AHDC1: variants seen among roughly 807,000 people sequenced by gnomAD.
AHDC1 encodes AT-hook DNA binding motif containing 1.
In AHDC1, 7 loss-of-function variants were observed where a neutral mutation model predicts 87.9. That is an observed-to-expected ratio of 0.08 (90% confidence interval 0.05 to 0.15). The LOEUF is 0.15. Ranked by LOEUF, AHDC1 falls within the 10% of genes least tolerant of loss-of-function variation. The pLI is 1.00. For missense variants in AHDC1, 1,841 were observed against 2,253.2 expected (o/e 0.82, Z 3.70); for synonymous variants, 1,051 against 1,006.8 (o/e 1.04, Z -0.83).
chr1:27,603,072 C>A (rs943792099), intron 3 of AHDC1, among the ~76,000 whole-genome samples: 1 of 145,122 alleles, frequency 6.9e-6, no homozygotes, highest in African/African-American at 2.6e-5. Flanking sequence ...GAGGAGGGGG[C>A]GCGCGGCAGC....
intron 5 of AHDC1, among the ~76,000 whole-genome samples, chr1:27,557,422 C>T (rs551076280): frequency 5.3e-5 from 8 of 152,134 alleles, no homozygotes; most frequent in Admixed American, 1.3e-4. Flanking sequence ...TCCACGCCCC[C>T]CCGCTCCCCG....
At chr1:27,601,907 G>A (rs542877076) in intron 3 of AHDC1, among the ~76,000 whole-genome samples, 15 of 152,300 alleles carry the variant, frequency 9.8e-5, no homozygotes, top group East Asian at 1.9e-4. Context: ...ACCCTGACCC[G>A]GAGGCAAAGC....
chr1:27,579,803 T>G (rs972196627), intron 3 of AHDC1, among the ~76,000 whole-genome samples: 2 of 152,258 alleles, frequency 1.3e-5, no homozygotes, highest in Non-Finnish European at 2.9e-5. Flanking sequence ...AGAGACTGAA[T>G]GCTTACAAAG....
rs373682300 is a variant in AHDC1 at position 27,560,963 on chromosome 1, C to CCT, written c.-628-2082_-628-2081dup. Among the ~76,000 whole-genome samples the CCT allele has an allele frequency of 1.0e-4, 15 of 150,204 alleles. No individual in the cohort carries two copies. The highest frequency in any genetic ancestry group is 3.3e-4 in the Admixed American group (5 of 15,106). On this transcript the variant is annotated intron_variant, in intron 3 of 8. Transcript: ENST00000673934. The surrounding 1 kb of genome is among the most constrained non-coding windows in gnomAD (Gnocchi z 4.1). ...CCTCTTCCCTCCCTCTCCCTCCCTT[C>CCT]CTCTCTCTCTCTCTCTGTAGGAGCC...
chr1:27,575,554 C>T (rs1170968585), intron 3 of AHDC1, among the ~76,000 whole-genome samples: 3 of 151,980 alleles, frequency 2.0e-5, no homozygotes, highest in African/African-American at 4.8e-5. Context: ...CTCCCCCGGC[C>T]GGCCGCGCTC....
At position 27,551,035 on chromosome 1, in the gene AHDC1, C is replaced by T. The variant is rs780172155; in HGVS notation, c.1081G>A (p.Glu361Lys). 2.0e-5 allele frequency: 31 copies of T among 1,557,638 alleles called. No homozygotes were observed. Among genetic ancestry groups the T allele is most frequent in the East Asian group, 2.3e-5 (1 of 43,804 alleles). Residue 361 changes from glutamate (E) to lysine (K), a missense_variant, in exon 8 of 9, where the codon GAG (glutamate) becomes AAG (lysine). Transcript: ENST00000673934. ...GAGCACAAGTCCAGGCGCAAGGGCT[C>T]GGCCAGTGGGCAGTGCCCCAGGGGC... Reference protein sequence around the residue: ...QQPLGHCPLAEPLRLDLCSPH... With the variant: ...QQPLGHCPLAKPLRLDLCSPH...
intron 3 of AHDC1, among the ~76,000 whole-genome samples, chr1:27,602,313 A>G (rs1400027493): frequency 6.6e-6 from 1 of 151,878 alleles, no homozygotes; most frequent in Non-Finnish European, 1.5e-5. Context: ...CCTCAGGGAC[A>G]GCCCCAGCTC....
chr1:27,603,216 C>T (rs2089591143), intron 3 of AHDC1, among the ~76,000 whole-genome samples, 181 bp downstream of exon 3: 3 of 147,086 alleles, frequency 2.0e-5, no homozygotes, highest in African/African-American at 7.4e-5. Flanking sequence ...AGGCTTCGAG[C>T]CGAGCCCAGC....
At position 27,549,673 on chromosome 1, in the gene AHDC1, T is replaced by C; in HGVS notation, c.2443A>G (p.Ser815Gly). 1 of 1,613,078 alleles carries C rather than the reference T, an allele frequency of 6.2e-7. No individual in the cohort carries two copies. Among genetic ancestry groups the C allele is most frequent in the Non-Finnish European group, 8.5e-7 (1 of 1,180,004 alleles). Residue 815 changes from serine (S) to glycine (G), a missense_variant, in exon 8 of 9, where the codon AGC becomes GGC. Physicochemically the swap from Ser to Gly is moderately conservative, Grantham distance 56. This residue lies in a region of AHDC1 where 236 missense variants were observed against 257.9 expected (regional missense o/e 0.92). Transcript: ENST00000673934. Reference sequence around the variant, plus strand: ...GAGGGTGCACCCGTGCTGTAGTAGCTGCCACGGCCTGAGGCTCCACTCTCC... The same window carrying C: ...GAGGGTGCACCCGTGCTGTAGTAGCCGCCACGGCCTGAGGCTCCACTCTCC... ...GLESGASGRG[S>G]YYSTGAPSGQ...
At chr1:27,600,818 T>C (rs1378951202) in intron 3 of AHDC1, among the ~76,000 whole-genome samples, 4 of 152,006 alleles carry the variant, frequency 2.6e-5, no homozygotes, top group Non-Finnish European at 4.4e-5. Context: ...CAGCAGGGGG[T>C]TCCAGAAGCC....
At chr1:27,585,731 A>G (rs1427552729) in intron 3 of AHDC1, among the ~76,000 whole-genome samples, 1 of 152,100 alleles carries the variant, frequency 6.6e-6, no homozygotes, top group Non-Finnish European at 1.5e-5. Context: ...TCCCGGCCTA[A>G]TCAGTCTTCT....
chr1:27,578,829 T>G (rs2088829973), intron 3 of AHDC1, among the ~76,000 whole-genome samples: 1 of 151,774 alleles, frequency 6.6e-6, no homozygotes, highest in Non-Finnish European at 1.5e-5. Flanking sequence ...CCCGAGTAGC[T>G]GGGATTATAG....
rs559597076 is a variant in AHDC1, at chr1:27,548,424, G to T, written c.3692C>A (p.Pro1231Gln). 1 of 1,612,198 alleles carries T rather than the reference G, an allele frequency of 6.2e-7. No homozygotes were observed. The highest frequency in any genetic ancestry group is 1.1e-5 in the South Asian group (1 of 91,066). Reference sequence around the variant, plus strand: ...CACCTTCTTCCGCCGTCCACGGCCCGGCTTGGAGCTACTCTGAAAGAGGAC... The same window carrying T: ...CACCTTCTTCCGCCGTCCACGGCCCTGCTTGGAGCTACTCTGAAAGAGGAC... The part of the protein sequence containing the change: ...QSVLFQSSSK[P>Q]GRGRRKKVDL... Residue 1231 changes from proline (P) to glutamine (Q), a missense_variant, in exon 8 of 9, where the codon CCG becomes CAG. Coordinates refer to ENST00000673934, the MANE Select transcript of AHDC1 (RefSeq NM_001371928.1).
intron 3 of AHDC1, among the ~76,000 whole-genome samples, chr1:27,570,229 G>A (rs990611437): frequency 5.9e-5 from 9 of 151,884 alleles, no homozygotes; most frequent in Non-Finnish European, 1.0e-4. Flanking sequence ...AGATACCTCC[G>A]CCCAAGCAGC....
intron 3 of AHDC1, among the ~76,000 whole-genome samples, chr1:27,594,219 C>G (rs2089303573): frequency 6.6e-6 from 1 of 152,108 alleles, no homozygotes; most frequent in Non-Finnish European, 1.5e-5. Context: ...CCAGGGAGAC[C>G]AAGCCCCGCA....
chr1:27,592,362 A>G (rs2089249281), intron 3 of AHDC1, among the ~76,000 whole-genome samples: 1 of 151,426 alleles, frequency 6.6e-6, no homozygotes, highest in African/African-American at 2.4e-5. Flanking sequence ...CACCCAGCCC[A>G]TCACCTGCAC....
chr1:27,553,637 T>C (rs2019674562), intron 5 of AHDC1: 1 of 152,218 alleles, frequency 6.6e-6, no homozygotes, highest in Non-Finnish European at 1.5e-5. Flanking sequence ...AATATGATTA[T>C]CCTCCCCAGT....
chr1:27,561,789 CAG>C lies in AHDC1; in HGVS notation c.-628-2908_-628-2907del, dbSNP rs899331656. Among the ~76,000 whole-genome samples the C allele has an allele frequency of 6.6e-6, 1 of 151,816 alleles. No individual in the cohort carries two copies. The highest frequency in any genetic ancestry group is 2.4e-5 in the African/African-American group (1 of 41,288). On this transcript the variant is annotated intron_variant, in intron 3 of 8. Coordinates refer to ENST00000673934, the MANE Select transcript of AHDC1 (RefSeq NM_001371928.1). The surrounding 1 kb of genome is among the most constrained non-coding windows in gnomAD (Gnocchi z 4.2). Reference sequence around the variant, plus strand: ...AGACACAGAGACATGGGGAGAGAAACAGAGACAGAGAGACAGAGAAAGACAGA... The same window carrying C: ...AGACACAGAGACATGGGGAGAGAAACAGACAGAGAGACAGAGAAAGACAGA...
intron 3 of AHDC1, among the ~76,000 whole-genome samples, chr1:27,575,958 T>TCTGCCC (rs569112823): frequency 2.0e-5 from 3 of 151,848 alleles, no homozygotes; most frequent in South Asian, 4.2e-4. Context: ...GGGCTCGGGC[T>TCTGCCC]CTGCCCCGGC....
Sources: allele counts gnomAD v4.1 joint callset (sites outside exome capture counted in the v4.1 genomes callset), GRCh38; gene constraint gnomAD v4.1.1; regional missense constraint gnomAD v4.1.1; non-coding constraint Gnocchi (gnomAD v3.1); transcripts MANE v1.5; gene names NCBI Gene and HGNC (gene_info 2026-07-23, HGNC 2026-07-21).